The following ACSM3 variants were observed in gnomAD, a reference collection of about 807,000 sequenced individuals.
ACSM3 encodes acyl-coenzyme A synthetase ACSM3, mitochondrial.
Under a neutral mutation model 74.1 loss-of-function variants are expected in ACSM3, and 61 were observed. The observed-to-expected ratio is 0.82, with a 90% CI of 0.67 to 1.02. The LOEUF is 1.02. Among genes scored for constraint, ACSM3 ranks in the 50% least tolerant of loss-of-function variants. The pLI is 0.00. For synonymous variants in ACSM3, 213 were observed against 241.5 expected, an observed-to-expected ratio of 0.88 and a Z score of 1.09; for missense variants, 660 against 697.0, an observed-to-expected ratio of 0.95 and a Z score of 0.60.
At chr16:20,717,981 GAA>G (rs2079770465) in intron 1 of ACSM3, among the ~76,000 whole-genome samples, 1 of 130,838 alleles carries the variant, frequency 7.6e-6, no homozygotes, top group Non-Finnish European at 1.7e-5. Flanking sequence ...AGAAGAAGAA[GAA>G]GAAGAAGAAG....
chr16:20,737,263 C>G, intron 1 of ACSM3: 1 of 1,613,316 alleles, frequency 6.2e-7, no homozygotes, highest in Non-Finnish European at 8.5e-7. Flanking sequence ...ACTTTATTTT[C>G]TGAATTGAGG....
chr16:20,739,184 T>C, intron 1 of ACSM3: 6 of 1,126,922 alleles, frequency 5.3e-6, no homozygotes, highest in Non-Finnish European at 7.4e-6. Flanking sequence ...TGATTTTTTT[T>C]TTTTTTCTAA....
intron 1 of ACSM3, among the ~76,000 whole-genome samples, chr16:20,688,544 T>G (rs1348261537): frequency 6.6e-6 from 1 of 152,088 alleles, no homozygotes; most frequent in Non-Finnish European, 1.5e-5. Context: ...AAGCAACTCA[T>G]GTACAAGAGA....
At chr16:20,782,673 T>C (rs1342242322) in intron 7 of ACSM3, among the ~76,000 whole-genome samples, 2 of 152,190 alleles carry the variant, frequency 1.3e-5, no homozygotes, top group Non-Finnish European at 2.9e-5. Context: ...CCATCTCAAA[T>C]GCTAATCACA....
chr16:20,724,226 A>T (rs1329656615), intron 1 of ACSM3, among the ~76,000 whole-genome samples: 1 of 152,230 alleles, frequency 6.6e-6, no homozygotes, highest in African/African-American at 2.4e-5. Flanking sequence ...CTGGTTCAAC[A>T]TACGAAAATC....
In ACSM3 at chr16:20,750,946, G is replaced by A. The variant is rs554656358; in HGVS notation, c.-96+943G>A. ...TGCAACCTCTGCCTCACAGGTTCAA[G>A]CAATTCTCCTACATTAGCCACCCAA... is the stretch of plus-strand genomic sequence containing the variant. On this transcript the variant is annotated intron_variant, in intron 2 of 3. Transcript: ENST00000561584. Among the ~76,000 whole-genome samples the A allele has an allele frequency of 6.6e-4, 98 of 147,554 alleles. 1 individual carries two copies. Among genetic ancestry groups the A allele is most frequent in the African/African-American group, 2.3e-3 (92 of 39,826 alleles).
chr16:20,793,602 C>G (rs760911467), intron 12 of ACSM3, among the ~76,000 whole-genome samples: 9 of 152,188 alleles, frequency 5.9e-5, no homozygotes, highest in Non-Finnish European at 1.3e-4. Flanking sequence ...CTGTTAAGTC[C>G]TCCTGGATGG....
In ACSM3 at chr16:20,790,054, T is replaced by A. The variant is rs1304650002; in HGVS notation, c.1225-533T>A. Among the ~76,000 whole-genome samples the A allele has an allele frequency of 1.3e-5, 2 of 152,214 alleles. No individual in the cohort carries two copies. The highest frequency in any genetic ancestry group is 2.4e-5 in the African/African-American group (1 of 41,452). ...GATTATTGCTGGATGGTAAAATTTT[T>A]AAAAAATTTTATCCTGCGTTCACAT... On this transcript the variant is annotated intron_variant, in intron 9 of 13. Coordinates refer to ENST00000289416, the MANE Select transcript of ACSM3 (RefSeq NM_005622.4). This position sits in a 1 kb window ranked among gnomAD's most constrained non-coding sequence, Gnocchi z 4.0.
chr16:20,700,468 AAGG>A (rs1161742333), intron 1 of ACSM3, among the ~76,000 whole-genome samples: 4 of 152,000 alleles, frequency 2.6e-5, no homozygotes, highest in African/African-American at 4.8e-5. Flanking sequence ...TTGAGACCTG[AAGG>A]AGGAGAAGCA....
intron 1 of ACSM3, among the ~76,000 whole-genome samples, chr16:20,699,272 G>A (rs763010963): frequency 3.9e-5 from 6 of 152,196 alleles, no homozygotes; most frequent in Non-Finnish European, 7.4e-5. Context: ...CATAGGTAGC[G>A]GCTTGTACTA....
intron 1 of ACSM3, among the ~76,000 whole-genome samples, chr16:20,685,832 C>CAAAAAAAAAA (rs1469791653): frequency 1.4e-5 from 1 of 72,132 alleles, no homozygotes. Flanking sequence ...AAAAAAAAAA[C>CAAAAAAAAAA]AAACAAAAAA....
chr16:20,690,872 T>C, intron 1 of ACSM3: 1 of 893,322 alleles, frequency 1.1e-6, no homozygotes. Context: ...TATAAGCTTC[T>C]TCCACAACAC....
intron 1 of ACSM3, among the ~76,000 whole-genome samples, chr16:20,676,837 T>C (rs1266842010): frequency 6.6e-6 from 1 of 150,826 alleles, no homozygotes; most frequent in Non-Finnish European, 1.5e-5. Flanking sequence ...AATAAATAAA[T>C]AAAATAAGGA....
At chr16:20,741,481 G>GGGGGGGGGGGGCCCCCCCCCCCCCC in intron 1 of ACSM3, 3 of 1,308,410 alleles carry the variant, frequency 2.3e-6, no homozygotes, top group Non-Finnish European at 3.0e-6. Context: ...CTGGCAGCCG[G>GGGGGGGGGGGGCCCCCCCCCCCCCC]CCCGCCCGCC....
intron 1 of ACSM3, chr16:20,691,026 C>A: frequency 6.2e-7 from 1 of 1,613,602 alleles, no homozygotes; most frequent in Non-Finnish European, 8.5e-7. Context: ...TAGTCCAGTA[C>A]ATAACTTGCA....
At chr16:20,724,730 C>A (rs1406685640) in intron 1 of ACSM3, among the ~76,000 whole-genome samples, 4 of 152,138 alleles carry the variant, frequency 2.6e-5, no homozygotes, top group Admixed American at 2.6e-4. Flanking sequence ...TTCTTATACA[C>A]CAATAACAGA....
At chr16:20,705,473 G>A (rs1276247356) in intron 1 of ACSM3, among the ~76,000 whole-genome samples, 1 of 152,038 alleles carries the variant, frequency 6.6e-6, no homozygotes, top group African/African-American at 2.4e-5. Context: ...GGCATTGAGT[G>A]AGTTTTCAAT....
upstream of ACSM3, among the ~76,000 whole-genome samples, chr16:20,762,259 T>C (rs909770160): frequency 2.0e-5 from 3 of 152,058 alleles, no homozygotes; most frequent in African/African-American, 7.2e-5. Flanking sequence ...TGCTGAATGG[T>C]ATGTGAGAGT....
intron 1 of ACSM3, among the ~76,000 whole-genome samples, chr16:20,691,762 T>C (rs1291196375): frequency 0.011 from 438 of 41,616 alleles, 7 homozygotes; most frequent in South Asian, 0.028. Flanking sequence ...TGTGTGTGTG[T>C]GTGTGTGTGT....
Sources: gnomAD v4.1 joint callset for allele counts (sites outside exome capture counted in the v4.1 genomes callset) on GRCh38, gnomAD v4.1.1 for gene constraint, Gnocchi (gnomAD v3.1) non-coding constraint, MANE v1.5 for transcripts, NCBI Gene and HGNC (gene_info 2026-07-23, HGNC 2026-07-21) for gene names.